Variants in HLCS observed in about 807,000 individuals in gnomAD.
The protein encoded by HLCS is biotin--protein ligase.
In HLCS, 53 loss-of-function variants were observed where a neutral mutation model predicts 75.0. The ratio of observed to expected loss-of-function variants is 0.71; its 90% CI spans 0.57 to 0.89. HLCS has a LOEUF of 0.89. Ranked by LOEUF, HLCS falls within the 40% of genes least tolerant of loss-of-function variation. The pLI is 0.00. For missense variants in HLCS, 966 were observed against 1,074.0 expected, an observed-to-expected ratio of 0.90 and a Z score of 1.41; for synonymous variants, 431 against 428.6, an observed-to-expected ratio of 1.01 and a Z score of -0.07.
chr21:36,970,658 C>T (rs35601107), upstream of HLCS, among the ~76,000 whole-genome samples: 61,793 of 151,362 alleles, frequency 0.41, 13,307 homozygotes, highest in South Asian at 0.53. Context: ...CGTGAGCCAC[C>T]GTGCCCAGCC....
chr21:36,820,368 C>CCGACT, intron 6 of HLCS, among the ~76,000 whole-genome samples: 1 of 146,848 alleles, frequency 6.8e-6, no homozygotes, highest in Non-Finnish European at 1.5e-5. Flanking sequence ...TGCCCAGCCA[C>CCGACT]GGCCGGGCCG....
At chr21:36,887,890 C>G (rs1569148144) in intron 6 of HLCS, among the ~76,000 whole-genome samples, 1 of 152,210 alleles carries the variant, frequency 6.6e-6, no homozygotes, top group Non-Finnish European at 1.5e-5. Context: ...TAACACAATA[C>G]AGGCATTAAT....
chr21:36,808,865 C>T (rs1178945480), intron 6 of HLCS, among the ~76,000 whole-genome samples: 7 of 151,886 alleles, frequency 4.6e-5, no homozygotes, highest in Admixed American at 1.3e-4. Context: ...TTTCTTTTAT[C>T]GAAAAATGCC....
intron 2 of HLCS, among the ~76,000 whole-genome samples, chr21:36,956,354 G>A (rs993522342): frequency 6.6e-6 from 1 of 152,168 alleles, no homozygotes; most frequent in South Asian, 2.1e-4. Context: ...CCAACGATGA[G>A]AGTACATTTG....
At chr21:36,898,171 C>T (rs1040979934) in intron 5 of HLCS, among the ~76,000 whole-genome samples, 3 of 152,102 alleles carry the variant, frequency 2.0e-5, no homozygotes, top group Non-Finnish European at 4.4e-5. Flanking sequence ...CAGGTCCGCG[C>T]GCAGTGGTTC....
intron 6 of HLCS, among the ~76,000 whole-genome samples, chr21:36,825,632 C>A (rs970067867): frequency 2.0e-5 from 3 of 152,158 alleles, no homozygotes; most frequent in Admixed American, 1.3e-4. Flanking sequence ...CCCCAGGTCA[C>A]CCCCGCCCCA....
chr21:36,771,498 C>G (rs1365095256), intron 6 of HLCS, among the ~76,000 whole-genome samples: 2 of 152,126 alleles, frequency 1.3e-5, no homozygotes, highest in Non-Finnish European at 2.9e-5. Flanking sequence ...CTGTTCACCA[C>G]AGCATTACTG....
intron 5 of HLCS, among the ~76,000 whole-genome samples, chr21:36,900,120 A>T (rs942204640): frequency 2.0e-5 from 3 of 152,082 alleles, no homozygotes; most frequent in African/African-American, 7.2e-5. Flanking sequence ...AAAACAAAAA[A>T]CAAAAAACAA....
At chr21:36,848,273 T>G (rs867142143) in intron 6 of HLCS, among the ~76,000 whole-genome samples, 108 of 133,598 alleles carry the variant, frequency 8.1e-4, no homozygotes, top group African/African-American at 3.7e-3. Flanking sequence ...TAATTGTTGT[T>G]TTTTTTTTTT....
At chr21:36,904,661 G>A (rs1395242485) in intron 5 of HLCS, among the ~76,000 whole-genome samples, 2 of 151,956 alleles carry the variant, frequency 1.3e-5, no homozygotes, top group African/African-American at 4.8e-5. Flanking sequence ...CATTAACCCT[G>A]GACAACATAA....
At chr21:36,978,944 T>C (rs1601938886) in intron 1 of HLCS, among the ~76,000 whole-genome samples, 1 of 151,376 alleles carries the variant, frequency 6.6e-6, no homozygotes, top group African/African-American at 2.4e-5. Context: ...GAGACTTCCG[T>C]ACTCAGGGAA....
Position 36,754,392 on chromosome 21 carries a change from C to A in HLCS, c.2476G>T (p.Ala826Ser), listed in dbSNP as rs376898721. Residue 826 changes from alanine to serine, a missense_variant, in exon 11 of 11, where the codon GCA becomes TCA. By Grantham distance (99) the Ala-to-Ser change is moderately conservative (BLOSUM62 1). Transcript: ENST00000674895. The part of the protein sequence containing the change: ...HSGQQVHLGS[A>S]EGPKVSIVGL... ...ACGATGGACACCTTTGGTCCCTCTG[C>A]GCTGCCCAGATGGACTTGCTGACCA... 3 of 1,613,390 alleles carry A rather than the reference C, an allele frequency of 1.9e-6. No individual in the cohort carries two copies. Among genetic ancestry groups the A allele is most frequent in the Non-Finnish European group, 2.5e-6 (3 of 1,179,934 alleles).
intron 2 of HLCS, 57 bp downstream of exon 2, chr21:36,961,979 T>C: frequency 9.6e-7 from 1 of 1,043,986 alleles, no homozygotes; most frequent in Non-Finnish European, 1.2e-6. Context: ...AAAGCAAATT[T>C]GGTTTTGACT....
intron 6 of HLCS, among the ~76,000 whole-genome samples, chr21:36,844,316 T>A (rs1045856149): frequency 1.3e-5 from 2 of 151,432 alleles, no homozygotes; most frequent in African/African-American, 2.4e-5. Context: ...ACCACACTAA[T>A]GAAAGATGTT....
chr21:36,892,644 A>T (rs1393301254), intron 6 of HLCS, among the ~76,000 whole-genome samples: 1 of 152,198 alleles, frequency 6.6e-6, no homozygotes, highest in African/African-American at 2.4e-5. Context: ...ATGCATGTGG[A>T]TATCTGGGAC....
At chr21:36,767,382 G>A (rs555814063) in intron 6 of HLCS, 97 bp from the exon 7 acceptor site, 1 of 1,237,508 alleles carries the variant, frequency 8.1e-7, no homozygotes, top group Non-Finnish European at 1.2e-6. Context: ...TGCATCTGGG[G>A]GTGTGTGGCC....
At chr21:36,878,222 C>T (rs1290338855) in intron 6 of HLCS, among the ~76,000 whole-genome samples, 2 of 151,956 alleles carry the variant, frequency 1.3e-5, no homozygotes, top group Non-Finnish European at 1.5e-5. Context: ...TCCATAGGTC[C>T]CTGAGGCTCT....
At chr21:36,817,906 G>A (rs1293743488) in intron 6 of HLCS, among the ~76,000 whole-genome samples, 1 of 152,214 alleles carries the variant, frequency 6.6e-6, no homozygotes, top group African/African-American at 2.4e-5. Flanking sequence ...GCCTACAGCT[G>A]GCTAAGGGTC....
chr21:36,820,477 C>T (rs1414930690), intron 6 of HLCS, among the ~76,000 whole-genome samples: 1 of 152,222 alleles, frequency 6.6e-6, no homozygotes, highest in Non-Finnish European at 1.5e-5. Context: ...TCCCTGCTCC[C>T]GGCACCCACT....
Sources: gnomAD v4.1 joint callset for allele counts (sites outside exome capture counted in the v4.1 genomes callset) on GRCh38, gnomAD v4.1.1 for gene constraint, MANE v1.5 for transcripts, NCBI Gene and HGNC (gene_info 2026-07-23, HGNC 2026-07-21) for gene names.